The following CAMK2D variants were observed in gnomAD, a reference collection of about 807,000 sequenced individuals.
The protein encoded by CAMK2D is calcium/calmodulin dependent protein kinase II delta, also known as calcium/calmodulin-dependent protein kinase type II subunit delta.
CAMK2D carries 37 observed loss-of-function variants against 84.0 expected under a neutral mutation model. The ratio of observed to expected loss-of-function variants is 0.44; its 90% CI spans 0.34 to 0.58. CAMK2D has a LOEUF of 0.58. Among genes scored for constraint, CAMK2D ranks in the 20% least tolerant of loss-of-function variants. The pLI, the probability that CAMK2D is intolerant of heterozygous loss-of-function variation, is 0.02. For synonymous variants in CAMK2D, 202 were observed against 212.5 expected (o/e 0.95, Z 0.43); for missense variants, 448 against 652.5 (o/e 0.69, Z 3.41).
intron 2 of CAMK2D, among the ~76,000 whole-genome samples, chr4:113,715,684 T>C (rs1001933280): frequency 6.6e-6 from 1 of 152,190 alleles, no homozygotes; most frequent in African/African-American, 2.4e-5. Flanking sequence ...TCACAATATA[T>C]GTCATTAGTT....
chr4:113,489,916 GT>G (rs1189903560), intron 16 of CAMK2D, among the ~76,000 whole-genome samples: 4 of 147,982 alleles, frequency 2.7e-5, no homozygotes. Context: ...TTTTTCATGT[GT>G]TTTTTGGCTG....
At chr4:113,619,717 AT>A (rs770999920) in intron 3 of CAMK2D, among the ~76,000 whole-genome samples, 3 of 151,728 alleles carry the variant, frequency 2.0e-5, no homozygotes, top group Non-Finnish European at 4.4e-5. Context: ...GTAAATACAG[AT>A]TTTTTTTTGG....
At chr4:113,609,073 T>A in intron 4 of CAMK2D, 79 bp downstream of exon 4, 1 of 757,068 alleles carries the variant, frequency 1.3e-6, no homozygotes, top group Admixed American at 1.9e-5. Context: ...TAATTTGGAC[T>A]GTACAGTGAG....
intron 2 of CAMK2D, among the ~76,000 whole-genome samples, chr4:113,670,501 T>C (rs1352928492): frequency 2.0e-5 from 3 of 152,058 alleles, no homozygotes; most frequent in Non-Finnish European, 2.9e-5. Context: ...CCAATTATAC[T>C]ATTATAGAGG....
chr4:113,608,950 T>C (rs1218570927), intron 4 of CAMK2D, among the ~76,000 whole-genome samples: 1 of 152,214 alleles, frequency 6.6e-6, no homozygotes, highest in Non-Finnish European at 1.5e-5. Flanking sequence ...TTAAGGTTAA[T>C]TCAAATTAAG....
intron 16 of CAMK2D, 124 bp downstream of exon 16, chr4:113,500,339 A>G (rs919661026): frequency 1.0e-4 from 51 of 498,814 alleles, no homozygotes; most frequent in Non-Finnish European, 1.4e-4. Context: ...ACTCATAAAT[A>G]AAATATTTTT....
chr4:113,490,696 C>G (rs141548468), intron 16 of CAMK2D, among the ~76,000 whole-genome samples: 70,415 of 148,256 alleles, frequency 0.47, 17,960 homozygotes, highest in African/African-American at 0.62. Context: ...TTGGTAGCTT[C>G]ATGAGGATGG....
chr4:113,605,665 A>G (rs561498431), intron 4 of CAMK2D, among the ~76,000 whole-genome samples: 62 of 152,336 alleles, frequency 4.1e-4, no homozygotes, highest in Middle Eastern at 6.8e-3. Context: ...CTTAAAAAAT[A>G]TGGTAGGTGT....
At chr4:113,590,828 AC>A (rs1476349147) in intron 4 of CAMK2D, among the ~76,000 whole-genome samples, 1 of 152,210 alleles carries the variant, frequency 6.6e-6, no homozygotes, top group East Asian at 1.9e-4. Flanking sequence ...ACCTCACAGA[AC>A]TGACACATAT....
chr4:113,574,969 C>G (rs13144613), intron 4 of CAMK2D, among the ~76,000 whole-genome samples: 38,360 of 152,030 alleles, frequency 0.25, 5,627 homozygotes, highest in Middle Eastern at 0.35. Context: ...ATGGTGAAAT[C>G]AGTTGAAGAA....
At chr4:113,503,307 T>C (rs935827044) in intron 14 of CAMK2D, 1 of 566,330 alleles carries the variant, frequency 1.8e-6, no homozygotes, top group Non-Finnish European at 3.4e-6. Context: ...CTTTAATGAG[T>C]GGCCTGTGAA....
intron 17 of CAMK2D, among the ~76,000 whole-genome samples, chr4:113,462,338 G>GTCTATCTATCTA (rs1215010791): frequency 2.5e-3 from 332 of 130,460 alleles, no homozygotes; most frequent in African/African-American, 7.6e-3. Flanking sequence ...CTGTCTGTCT[G>GTCTATCTATCTA]TCTATCTATC....
intron 2 of CAMK2D, among the ~76,000 whole-genome samples, chr4:113,747,946 G>A (rs1216146274): frequency 6.6e-6 from 1 of 152,082 alleles, no homozygotes; most frequent in Non-Finnish European, 1.5e-5. Flanking sequence ...CTTTTCTCAA[G>A]TTCAGTCTTT....
At chr4:113,543,410 G>A (rs1478556472) in intron 6 of CAMK2D, among the ~76,000 whole-genome samples, 1 of 150,928 alleles carries the variant, frequency 6.6e-6, no homozygotes, top group Non-Finnish European at 1.5e-5. Context: ...GTAGGGATGG[G>A]GGGTCTTGCT....
chr4:113,657,914 C>A (rs2099209329), intron 3 of CAMK2D, among the ~76,000 whole-genome samples: 1 of 152,122 alleles, frequency 6.6e-6, no homozygotes, highest in Non-Finnish European at 1.5e-5. Context: ...AAATAGAGAA[C>A]AGGGAGAAGA....
At chr4:113,696,559 C>T (rs897150623) in intron 2 of CAMK2D, among the ~76,000 whole-genome samples, 1 of 152,132 alleles carries the variant, frequency 6.6e-6, no homozygotes, top group African/African-American at 2.4e-5. Flanking sequence ...CTTCTAATAT[C>T]TATTGATAAT....
intron 3 of CAMK2D, among the ~76,000 whole-genome samples, chr4:113,624,454 T>A (rs1486502087): frequency 6.6e-6 from 1 of 152,218 alleles, no homozygotes; most frequent in African/African-American, 2.4e-5. Context: ...CTTAATCAGT[T>A]ACAATGAACA....
rs774937222 is a variant in CAMK2D at position 113,457,321 on chromosome 4, C to T, written c.1535+14G>A. 1.2e-6 allele frequency: 2 copies of T among 1,613,176 alleles called. No individual in the cohort carries two copies. Among genetic ancestry groups the T allele is most frequent in the South Asian group, 2.2e-5 (2 of 91,036 alleles). On this transcript the variant is annotated intron_variant, in intron 19 of 20. Coordinates refer to ENST00000511664, the MANE Select transcript of CAMK2D (RefSeq NM_001321571.2). ...GTGTATTAACAAAGAAGCTGACAGC[C>T]TGGAAATATTTACTTGATGGGTACT...
At chr4:113,754,536 T>C in intron 2 of CAMK2D, 1 of 968,528 alleles carries the variant, frequency 1.0e-6, no homozygotes, top group Non-Finnish European at 1.2e-6. Context: ...AATCTAATTG[T>C]CTAAACAAAG....
Sources: allele counts gnomAD v4.1 joint callset (sites outside exome capture counted in the v4.1 genomes callset), GRCh38; gene constraint gnomAD v4.1.1; transcripts MANE v1.5; gene names NCBI Gene and HGNC (gene_info 2026-07-23, HGNC 2026-07-21).